The following CELA1 variants were observed in gnomAD, a reference collection of about 807,000 sequenced individuals.
CELA1 encodes the protein chymotrypsin-like elastase family member 1.
In CELA1, 28 loss-of-function variants were observed where a neutral mutation model predicts 34.8. The ratio of observed to expected loss-of-function variants is 0.80; its 90% CI spans 0.60 to 1.10. The LOEUF is 1.10. CELA1 is among the 50% of genes least tolerant of loss of function. CELA1 has a pLI of 0.00. For missense variants in CELA1, 288 were observed against 327.5 expected (o/e 0.88, Z 0.93); for synonymous variants, 140 against 129.8 (o/e 1.08, Z -0.53).
intron 3 of CELA1, among the ~76,000 whole-genome samples, chr12:51,343,498 G>C (rs1946549699): frequency 6.6e-6 from 1 of 152,214 alleles, no homozygotes; most frequent in Non-Finnish European, 1.5e-5. Context: ...GCCCACTTTA[G>C]AGATAGGAGA....
chr12:51,343,098 G>A (rs1476532487), intron 3 of CELA1, among the ~76,000 whole-genome samples: 1 of 151,996 alleles, frequency 6.6e-6, no homozygotes, highest in Non-Finnish European at 1.5e-5. Flanking sequence ...TGATTTTCTC[G>A]GTTTAACATC....
At chr12:51,338,393 G>T (rs1592297245) in intron 6 of CELA1, among the ~76,000 whole-genome samples, 1 of 151,956 alleles carries the variant, frequency 6.6e-6, no homozygotes, top group Non-Finnish European at 1.5e-5. Context: ...GATTCGGCTT[G>T]TGGACCTCCA....
chr12:51,333,396 T>C (rs796966381), intron 6 of CELA1, among the ~76,000 whole-genome samples: 83 of 72,606 alleles, frequency 1.1e-3, no homozygotes, highest in African/African-American at 2.5e-3. Flanking sequence ...GCCCGACTGT[T>C]TTTTTTTTGT....
At chr12:51,342,480 C>T in intron 4 of CELA1, 95 bp downstream of exon 4, 3 of 1,549,582 alleles carry the variant, frequency 1.9e-6, no homozygotes, top group Non-Finnish European at 2.6e-6. Flanking sequence ...GCCATGCAAT[C>T]CCTCTAGCCC....
At chr12:51,340,236 A>C (rs932829636) in intron 5 of CELA1, among the ~76,000 whole-genome samples, 26 of 151,884 alleles carry the variant, frequency 1.7e-4, no homozygotes, top group African/African-American at 5.3e-4. Flanking sequence ...CAAGCCACCA[A>C]CCCTACTCCT....
chr12:51,340,564 T>C (rs1946527398), intron 5 of CELA1, among the ~76,000 whole-genome samples: 2 of 152,114 alleles, frequency 1.3e-5, no homozygotes, highest in South Asian at 4.2e-4. Context: ...TAATTTTGTA[T>C]TTTTAGTAGA....
chr12:51,334,095 G>C (rs185541423), intron 6 of CELA1, among the ~76,000 whole-genome samples: 1 of 152,308 alleles, frequency 6.6e-6, no homozygotes, highest in Non-Finnish European at 1.5e-5. Context: ...CCAGTGGGGA[G>C]GGACCTGGGG....
At chr12:51,345,701 G>A (rs1946561429) in intron 2 of CELA1, 94 bp downstream of exon 2, 1 of 906,504 alleles carries the variant, frequency 1.1e-6, no homozygotes. Context: ...AGAGCTGCTT[G>A]TTGATAGGGA....
chr12:51,334,220 G>T (rs1946488180), intron 6 of CELA1, among the ~76,000 whole-genome samples: 1 of 152,192 alleles, frequency 6.6e-6, no homozygotes, highest in Non-Finnish European at 1.5e-5. Context: ...ACTCAGAAAG[G>T]TTAAACCTTA....
chr12:51,341,347 G>C lies in CELA1; in HGVS notation c.360C>G (p.Ser120Arg), dbSNP rs145946961. Residue 120 changes from serine to arginine, a missense_variant, in exon 5 of 8, where the codon AGC (serine) becomes AGG (arginine). By Grantham distance (110) the Ser-to-Arg change is moderately radical. Coordinates refer to ENST00000293636, the MANE Select transcript of CELA1 (RefSeq NM_001971.6). The part of the protein sequence containing the change: ...YDIALLRLAQ[S>R]VTLNSYVQLG... ...GCTGGACATAGCTATTGAGGGTAAC[G>C]CTCTGGGCCAGGCGCAGCAGGGCGA... The C allele has an allele frequency of 2.5e-6, 4 of 1,614,164 alleles. No individual in the cohort carries two copies. The highest frequency in any genetic ancestry group is 3.4e-6 in the Non-Finnish European group (4 of 1,180,026).
chr12:51,346,532 T>C (rs1468648565), intron 1 of CELA1, 91 bp downstream of exon 1: 11 of 1,291,534 alleles, frequency 8.5e-6, no homozygotes, highest in African/African-American at 1.5e-5. Flanking sequence ...TTGCTGACCT[T>C]CCTGCCCAAG....
At chr12:51,338,845 C>T (rs1295692559) in intron 6 of CELA1, among the ~76,000 whole-genome samples, 2 of 152,092 alleles carry the variant, frequency 1.3e-5, no homozygotes, top group Non-Finnish European at 2.9e-5. Context: ...GGCATGGTGG[C>T]TCACGCCTGT....
intron 2 of CELA1, among the ~76,000 whole-genome samples, chr12:51,345,463 G>C (rs542441428): frequency 1.3e-5 from 2 of 152,246 alleles, no homozygotes; most frequent in Admixed American, 6.5e-5. Context: ...AGTGGTGTGC[G>C]TGTGAGTTTC....
intron 6 of CELA1, among the ~76,000 whole-genome samples, chr12:51,336,329 C>G (rs753485881): frequency 6.6e-6 from 1 of 152,154 alleles, no homozygotes; most frequent in African/African-American, 2.4e-5. Context: ...CCCAGCTCTT[C>G]CCCCAGGCCC....
intron 2 of CELA1, 82 bp from the exon 3 acceptor site, chr12:51,343,935 C>T: frequency 1.4e-6 from 1 of 730,350 alleles, no homozygotes; most frequent in East Asian, 2.7e-5. Context: ...TGGCTCATGC[C>T]AGTAATCCCA....
chr12:51,337,539 CAAAAAAA>C (rs33950532), intron 6 of CELA1, among the ~76,000 whole-genome samples: 2 of 69,358 alleles, frequency 2.9e-5, no homozygotes, highest in East Asian at 4.3e-4. Context: ...CTTATCTCTT[CAAAAAAA>C]AAAAAAAAAA....
At chr12:51,345,672 C>T (rs563807681) in intron 2 of CELA1, 123 bp downstream of exon 2, 4 of 790,672 alleles carry the variant, frequency 5.1e-6, no homozygotes, top group East Asian at 2.7e-5. Context: ...TCTTTAAAAT[C>T]GAGAACCTAG....
rs1489365943 is a variant in CELA1, at chr12:51,343,944, C to A, written c.100-91G>T. 7 of 712,560 alleles carry A rather than the reference C, an allele frequency of 9.8e-6. No homozygotes were observed. In the Admixed American group the frequency reaches 1.4e-4, roughly 15 times the overall value. 44.1% of individuals were successfully genotyped at this position (712,560 alleles called of 1,614,324 possible). A position where few individuals can be genotyped will look rare whatever the true frequency, so the allele number is the denominator to read the frequency against. On this transcript the variant is annotated intron_variant, in intron 2 of 7. Coordinates refer to ENST00000293636, the MANE Select transcript of CELA1 (RefSeq NM_001971.6). The stretch of plus-strand genomic sequence containing the variant: ...TTGCAGTGGCTCATGCCAGTAATCC[C>A]AGAACTTTGGAAGGCTGAGGCAGGA...
Position 51,342,694 on chromosome 12 carries a change from C to A in CELA1, c.207G>T (p.Lys69Asn). Residue 69 changes from lysine (K) to asparagine (N), a missense_variant, in exon 4 of 8, where the codon AAG becomes AAT. By Grantham distance (94) the Lys-to-Asn change is moderately conservative. Coordinates refer to ENST00000293636, the MANE Select transcript of CELA1 (RefSeq NM_001971.6). ...MTAAHCVDYQ[K>N]TFRVVAGDHN... ...GGTCTCCAGCCACCACGCGGAAAGT[C>A]TTCTGGCTGGCGTGAGAGAAGGAAT... 2 of 1,614,130 alleles carry A rather than the reference C, an allele frequency of 1.2e-6. No homozygotes were observed. The highest frequency in any genetic ancestry group is 1.7e-5 in the Admixed American group (1 of 60,030).
Sources: allele counts gnomAD v4.1 joint callset (sites outside exome capture counted in the v4.1 genomes callset), GRCh38; gene constraint gnomAD v4.1.1; transcripts MANE v1.5; gene names NCBI Gene and HGNC (gene_info 2026-07-23, HGNC 2026-07-21).